LINGO2: variants seen among roughly 807,000 people sequenced by gnomAD.
LINGO2 encodes the protein leucine-rich repeat and immunoglobulin-like domain-containing nogo receptor-interacting protein 2.
In LINGO2, 14 loss-of-function variants were observed where a neutral mutation model predicts 30.6. The observed-to-expected ratio is 0.46, with a 90% CI of 0.30 to 0.72. The LOEUF is 0.72. Ranked by LOEUF, LINGO2 falls within the 30% of genes least tolerant of loss-of-function variation. LINGO2 has a pLI of 0.07. For missense variants in LINGO2, 729 were observed against 751.7 expected (o/e 0.97, Z 0.35); for synonymous variants, 317 against 288.5 (o/e 1.10, Z -1.00).
intron 4 of LINGO2, among the ~76,000 whole-genome samples, chr9:28,197,126 A>T (rs372689281): frequency 6.6e-6 from 1 of 152,074 alleles, no homozygotes; most frequent in Non-Finnish European, 1.5e-5. Context: ...TGATTTGATC[A>T]TTACACCTTG....
chr9:28,327,033 T>G (rs977713478), intron 3 of LINGO2, among the ~76,000 whole-genome samples: 3 of 152,050 alleles, frequency 2.0e-5, no homozygotes, highest in South Asian at 2.1e-4. Flanking sequence ...AGGTGGCCAT[T>G]TGGGAAGTGA....
At chr9:28,201,228 TC>T (rs1402866725) in intron 4 of LINGO2, among the ~76,000 whole-genome samples, 1 of 68,438 alleles carries the variant, frequency 1.5e-5, no homozygotes, top group Non-Finnish European at 2.9e-5. Flanking sequence ...CCCTCCCCCC[TC>T]CCCCCAACCC....
the LINGO2 span, among the ~76,000 whole-genome samples, chr9:29,022,876 A>G: frequency 1.3e-5 from 2 of 151,848 alleles, no homozygotes; most frequent in African/African-American, 2.4e-5. Context: ...GGTTCTCCAT[A>G]TCTAGCATGT....
At chr9:28,777,321 A>G in the LINGO2 span, among the ~76,000 whole-genome samples, 4 of 152,194 alleles carry the variant, frequency 2.6e-5, no homozygotes, top group Admixed American at 6.5e-5. Context: ...GGAGGCATAG[A>G]AACTTGAAAC....
chr9:28,634,876 T>C (rs1827183861), intron 1 of LINGO2, among the ~76,000 whole-genome samples: 1 of 152,124 alleles, frequency 6.6e-6, no homozygotes, highest in Non-Finnish European at 1.5e-5. Context: ...GAAAAATCAC[T>C]CTTTTCAACC....
chr9:28,033,637 T>C (rs1183184867), intron 4 of LINGO2, among the ~76,000 whole-genome samples: 1 of 152,190 alleles, frequency 6.6e-6, no homozygotes, highest in Non-Finnish European at 1.5e-5. Context: ...GATGGATTAC[T>C]TTTATAATGG....
At chr9:29,082,626 G>C in the LINGO2 span, among the ~76,000 whole-genome samples, 30,001 of 151,894 alleles carry the variant, frequency 0.2, 3,109 homozygotes, top group African/African-American at 0.24. Flanking sequence ...AAAGAAAGTA[G>C]CATCAGAGTG....
the LINGO2 span, among the ~76,000 whole-genome samples, chr9:28,713,820 C>A: frequency 1.3e-5 from 2 of 152,006 alleles, no homozygotes; most frequent in Non-Finnish European, 2.9e-5. Flanking sequence ...TTGAATAATT[C>A]TACTGTCTTA....
chr9:28,945,426 T>C, the LINGO2 span, among the ~76,000 whole-genome samples: 2 of 152,232 alleles, frequency 1.3e-5, no homozygotes, highest in Non-Finnish European at 2.9e-5. Flanking sequence ...GTTACTCTAC[T>C]GCCTAATAAG....
the LINGO2 span, among the ~76,000 whole-genome samples, chr9:28,852,533 G>C: frequency 6.6e-6 from 1 of 151,904 alleles, no homozygotes; most frequent in Non-Finnish European, 1.5e-5. Context: ...TACTGCCCAG[G>C]GGAAGGCACT....
the LINGO2 span, among the ~76,000 whole-genome samples, chr9:28,805,550 C>A: frequency 6.6e-6 from 1 of 152,158 alleles, no homozygotes; most frequent in South Asian, 2.1e-4. Flanking sequence ...TTGCAACATC[C>A]GTTTATATTA....
chr9:28,953,892 T>C, the LINGO2 span, among the ~76,000 whole-genome samples: 1 of 152,136 alleles, frequency 6.6e-6, no homozygotes, highest in Non-Finnish European at 1.5e-5. Context: ...GGATCCTTTA[T>C]CTATGACTGC....
At chr9:29,066,542 G>C in the LINGO2 span, among the ~76,000 whole-genome samples, 1 of 151,872 alleles carries the variant, frequency 6.6e-6, no homozygotes, top group African/African-American at 2.4e-5. Flanking sequence ...TAATATCCCT[G>C]AATCATAAAA....
chr9:28,749,783 A>G, the LINGO2 span, among the ~76,000 whole-genome samples: 1 of 152,076 alleles, frequency 6.6e-6, no homozygotes, highest in Admixed American at 6.5e-5. Context: ...GACTCTAAGA[A>G]TGAGTACGTG....
the LINGO2 span, among the ~76,000 whole-genome samples, chr9:29,169,949 C>A: frequency 6.6e-6 from 1 of 151,056 alleles, no homozygotes; most frequent in African/African-American, 2.5e-5. Flanking sequence ...GAGCCAAGCT[C>A]GCGCCATTGC....
the LINGO2 span, among the ~76,000 whole-genome samples, chr9:28,746,542 G>T: frequency 2.0e-5 from 3 of 151,990 alleles, no homozygotes; most frequent in African/African-American, 2.4e-5. Flanking sequence ...TTGCTTTGGA[G>T]AAAGACAATC....
chr9:28,855,340 G>T, the LINGO2 span, among the ~76,000 whole-genome samples: 2 of 151,976 alleles, frequency 1.3e-5, no homozygotes, highest in Non-Finnish European at 1.5e-5. Context: ...CTAATACAGT[G>T]CTAGAACCTG....
the LINGO2 span, among the ~76,000 whole-genome samples, chr9:29,075,985 T>C: frequency 6.6e-6 from 1 of 152,040 alleles, no homozygotes; most frequent in African/African-American, 2.4e-5. Flanking sequence ...AATCCTGGGC[T>C]CTAGTAATCC....
At chr9:29,208,253 C>T in the LINGO2 span, among the ~76,000 whole-genome samples, 3 of 151,944 alleles carry the variant, frequency 2.0e-5, no homozygotes, top group African/African-American at 7.2e-5. Context: ...TGTAGAATTG[C>T]TAAAAAATAA....
Sources: gnomAD v4.1 joint callset for allele counts (sites outside exome capture counted in the v4.1 genomes callset) on GRCh38, gnomAD v4.1.1 for gene constraint, MANE v1.5 for transcripts, NCBI Gene and HGNC (gene_info 2026-07-23, HGNC 2026-07-21) for gene names.